CNKSR3: variants seen among roughly 807,000 people sequenced by gnomAD.
The protein encoded by CNKSR3 is connector enhancer of kinase suppressor of ras 3.
In CNKSR3, 36 loss-of-function variants were observed where a neutral mutation model predicts 67.7. The ratio of observed to expected loss-of-function variants is 0.53; its 90% CI spans 0.41 to 0.70. The LOEUF is 0.70. CNKSR3 is among the 30% of genes least tolerant of loss of function. The probability of loss-of-function intolerance (pLI) is 0.00; values close to 1 mark genes in which losing one functional copy is unlikely to be tolerated. For missense variants in CNKSR3, 630 were observed against 695.2 expected (o/e 0.91, Z 1.05); for synonymous variants, 281 against 271.4 (o/e 1.04, Z -0.35).
intron 1 of CNKSR3, among the ~76,000 whole-genome samples, chr6:154,473,091 C>T (rs1212084991): frequency 6.6e-6 from 1 of 152,168 alleles, no homozygotes; most frequent in Non-Finnish European, 1.5e-5. Flanking sequence ...CCAAAGAACC[C>T]TCCGTGATCA....
intron 6 of CNKSR3, among the ~76,000 whole-genome samples, chr6:154,429,172 G>A (rs1376416845): frequency 6.6e-6 from 1 of 152,082 alleles, no homozygotes; most frequent in Non-Finnish European, 1.5e-5. Context: ...GTTACAAGAT[G>A]GGGAAAGAGA....
At chr6:154,487,057 A>G (rs1786688862) in intron 1 of CNKSR3, among the ~76,000 whole-genome samples, 1 of 152,152 alleles carries the variant, frequency 6.6e-6, no homozygotes, top group South Asian at 2.1e-4. Context: ...GACTACAGGC[A>G]CGTGCCACCA....
chr6:154,442,182 C>T lies in CNKSR3; in HGVS notation c.325G>A (p.Asp109Asn), dbSNP rs1330310276. The T allele has an allele frequency of 6.2e-7, 1 of 1,614,132 alleles. No homozygotes were observed. The highest frequency in any genetic ancestry group is 1.7e-5 in the Admixed American group (1 of 60,026). Residue 109 changes from aspartate (D) to asparagine (N), a missense_variant, in exon 3 of 13, where the codon GAT becomes AAT. Physicochemically the swap from Asp to Asn is conservative, Grantham distance 23. Around this residue, in one of 3 missense-constraint regions of CNKSR3, gnomAD observed 189 missense variants for 205.0 expected, o/e 0.92. Transcript: ENST00000607772. Reference protein sequence around the residue: ...ISSRRKSPAYDGNTSRKAPNE... With the variant: ...ISSRRKSPAYNGNTSRKAPNE... ...GGGGCCTTGCGGGAGGTGTTGCCATCGTAAGCGGGACTTTTCCGTCGGCTA... is the reference window on the plus strand; with the variant it reads ...GGGGCCTTGCGGGAGGTGTTGCCATTGTAAGCGGGACTTTTCCGTCGGCTA...
chr6:154,452,830 C>T (rs1365409393), intron 1 of CNKSR3, among the ~76,000 whole-genome samples: 3 of 152,200 alleles, frequency 2.0e-5, no homozygotes, highest in East Asian at 1.9e-4. Context: ...ACGGAAAAGA[C>T]GGTCATTGTA....
At chr6:154,429,147 T>A (rs1785314356) in intron 6 of CNKSR3, among the ~76,000 whole-genome samples, 1 of 152,210 alleles carries the variant, frequency 6.6e-6, no homozygotes. Context: ...GTGTACATTT[T>A]TTTTAAATTA....
chr6:154,462,939 G>A (rs1786112180), intron 1 of CNKSR3, among the ~76,000 whole-genome samples: 1 of 152,170 alleles, frequency 6.6e-6, no homozygotes, highest in South Asian at 2.1e-4. Context: ...GAAGCACTTT[G>A]GGATTGGTTG....
At chr6:154,462,085 T>G (rs2128721032) in intron 1 of CNKSR3, among the ~76,000 whole-genome samples, 1 of 152,324 alleles carries the variant, frequency 6.6e-6, no homozygotes, top group Non-Finnish European at 1.5e-5. Flanking sequence ...TATTGAGACA[T>G]AATACATATA....
chr6:154,420,189 G>C (rs1423358187), intron 9 of CNKSR3, among the ~76,000 whole-genome samples: 5 of 149,354 alleles, frequency 3.3e-5, no homozygotes, highest in Non-Finnish European at 7.4e-5. Context: ...GGCACATGTA[G>C]ACAAATACCA....
At chr6:154,475,252 T>G (rs1476865231) in intron 1 of CNKSR3, among the ~76,000 whole-genome samples, 1 of 152,106 alleles carries the variant, frequency 6.6e-6, no homozygotes, top group Non-Finnish European at 1.5e-5. Flanking sequence ...CAAGTTCTGC[T>G]AAGAAGCCAG....
intron 9 of CNKSR3, among the ~76,000 whole-genome samples, chr6:154,420,672 G>C (rs1036009371): frequency 2.4e-5 from 3 of 123,874 alleles, no homozygotes; most frequent in Admixed American, 9.1e-5. Flanking sequence ...CTGGGCGACA[G>C]AGCGAGACTC....
In CNKSR3 at chr6:154,398,316, G is replaced by A. The variant is rs1270287045; in HGVS notation, c.*8038C>T. ...TCACATCTGTGTGTGTGCCCAAATG[G>A]ATGAAATTTATGCACAACCAATAAG... On this transcript the variant is annotated 3_prime_UTR_variant, in exon 13 of 13. Coordinates refer to ENST00000607772, the MANE Select transcript of CNKSR3 (RefSeq NM_173515.4). 2.0e-5 allele frequency: 3 copies of A among 152,202 alleles called. No individual in the cohort carries two copies. The highest frequency in any genetic ancestry group is 4.4e-5 in the Non-Finnish European group (3 of 68,042). The allele number at this position is 152,202 out of a possible 1,614,324, so 9.4% of individuals were successfully genotyped here. A position where few individuals can be genotyped will look rare whatever the true frequency, so the allele number is the denominator to read the frequency against.
At position 154,402,619 on chromosome 6, in the gene CNKSR3, A is replaced by T. The variant is rs965462174; in HGVS notation, c.*3735T>A. 8 of 152,214 alleles carry T rather than the reference A, an allele frequency of 5.3e-5. No homozygotes were observed. Among genetic ancestry groups the T allele is most frequent in the African/African-American group, 1.9e-4 (8 of 41,452 alleles). The allele number at this position is 152,214 out of a possible 1,614,324, so 9.4% of individuals were successfully genotyped here. On this transcript the variant is annotated 3_prime_UTR_variant, in exon 13 of 13. Transcript: ENST00000607772. ...CAAAACGGGACTAACAGCAGTACTC[A>T]CCTCATAGATTTATTAGAAAGGTAT...
intron 3 of CNKSR3, 84 bp from the exon 4 acceptor site, chr6:154,441,463 C>A: frequency 1.1e-6 from 1 of 931,410 alleles, no homozygotes; most frequent in South Asian, 1.4e-5. Context: ...ATAGCTACCC[C>A]ATGGGCTACT....
Position 154,510,166 on chromosome 6 carries a change from C to T in CNKSR3, c.-52G>A. The stretch of plus-strand genomic sequence containing the variant: ...CTGGAGAGTCGCAGATAAAGTGCTG[C>T]TGCCTGCGCTCCGGTGCCCCTTCCC... On this transcript the variant is annotated 5_prime_UTR_variant, in exon 1 of 13. Coordinates refer to ENST00000607772, the MANE Select transcript of CNKSR3 (RefSeq NM_173515.4). The T allele has an allele frequency of 6.2e-7, 1 of 1,606,058 alleles. No individual in the cohort carries two copies.
chr6:154,472,224 C>T lies in CNKSR3; in HGVS notation c.53-21966G>A, dbSNP rs117280072. Among the ~76,000 whole-genome samples, 491 of 152,264 alleles carry T rather than the reference C, an allele frequency of 3.2e-3. 2 individuals carry two copies. Among genetic ancestry groups the T allele is most frequent in the Non-Finnish European group, 5.3e-3 (359 of 67,996 alleles). On this transcript the variant is annotated intron_variant, in intron 1 of 12. Transcript: ENST00000607772. ...TTGTGCTTAAATACAATTCAGCCTTCCTCACCCAGCCCAACACACGTACTA... is the reference window on the plus strand; with the variant it reads ...TTGTGCTTAAATACAATTCAGCCTTTCTCACCCAGCCCAACACACGTACTA...
intron 1 of CNKSR3, among the ~76,000 whole-genome samples, chr6:154,461,313 G>C (rs1031437877): frequency 6.6e-6 from 1 of 152,206 alleles, no homozygotes. Flanking sequence ...TGGAGGGGAA[G>C]ACAGTTAAGT....
Position 154,406,259 on chromosome 6 carries a change from A to T in CNKSR3, c.*95T>A. ...GAAAAAGAAATTGCATAAGGTCCCTACATAATACTGAGGCTGAAACGAGAA... is the reference window on the plus strand; with the variant it reads ...GAAAAAGAAATTGCATAAGGTCCCTTCATAATACTGAGGCTGAAACGAGAA... On this transcript the variant is annotated 3_prime_UTR_variant, in exon 13 of 13. Transcript: ENST00000607772. The T allele has an allele frequency of 1.7e-6, 2 of 1,180,474 alleles. No homozygotes were observed. Among genetic ancestry groups the T allele is most frequent in the Non-Finnish European group, 2.4e-6 (2 of 841,460 alleles). The allele number at this position is 1,180,474 out of a possible 1,614,324, so 73.1% of individuals were successfully genotyped here. A position where few individuals can be genotyped will look rare whatever the true frequency, so the allele number is the denominator to read the frequency against.
intron 1 of CNKSR3, among the ~76,000 whole-genome samples, chr6:154,476,241 G>A (rs758008684): frequency 2.6e-5 from 4 of 152,048 alleles, no homozygotes; most frequent in South Asian, 2.1e-4. Flanking sequence ...TGGATCACCC[G>A]AGGTCAGGAG....
intron 1 of CNKSR3, among the ~76,000 whole-genome samples, chr6:154,470,789 T>C (rs1222514819): frequency 2.0e-5 from 3 of 152,232 alleles, no homozygotes; most frequent in Non-Finnish European, 2.9e-5. Flanking sequence ...TCAGTTCTCT[T>C]GGGGATATAC....
Sources: allele counts gnomAD v4.1 joint callset (sites outside exome capture counted in the v4.1 genomes callset), GRCh38; gene constraint gnomAD v4.1.1; regional missense constraint gnomAD v4.1.1; transcripts MANE v1.5; gene names NCBI Gene and HGNC (gene_info 2026-07-23, HGNC 2026-07-21).